Variants in LGR5 observed in about 807,000 individuals in gnomAD.
LGR5 encodes leucine-rich repeat-containing G protein-coupled receptor 5.
LGR5 carries 54 observed loss-of-function variants against 76.7 expected under a neutral mutation model. The observed-to-expected ratio is 0.70, with a 90% CI of 0.57 to 0.88. The LOEUF is 0.88. LGR5 is among the 40% of genes least tolerant of loss of function. LGR5 has a pLI of 0.00. For synonymous variants in LGR5, 406 were observed against 421.9 expected, an observed-to-expected ratio of 0.96 and a Z score of 0.46; for missense variants, 1,078 against 1,073.3, an observed-to-expected ratio of 1.00 and a Z score of -0.06.
intron 11 of LGR5, among the ~76,000 whole-genome samples, chr12:71,568,978 G>A (rs1467966021): frequency 6.6e-6 from 1 of 152,102 alleles, no homozygotes; most frequent in African/African-American, 2.4e-5. Flanking sequence ...TCCCTCATAA[G>A]GTAGCCACAG....
At chr12:71,522,163 C>T (rs931569001) in intron 2 of LGR5, among the ~76,000 whole-genome samples, 3 of 152,110 alleles carry the variant, frequency 2.0e-5, no homozygotes, top group African/African-American at 7.2e-5. Context: ...AGGGAATTCT[C>T]GGAAAAGAGT....
rs749628288 is a variant in LGR5 at position 71,524,388 on chromosome 12, C to G, written c.285-18C>G. On this transcript the variant is annotated intron_variant, in intron 2 of 17. Transcript: ENST00000266674. ...AAGAGGTATGCTCACTCTCTCTCCT[C>G]TCCATTGAAACCCACAGACGTCTTG... 1 of 1,597,296 alleles carries G rather than the reference C, an allele frequency of 6.3e-7. No individual in the cohort carries two copies. The highest frequency in any genetic ancestry group is 8.6e-7 in the Non-Finnish European group (1 of 1,166,208).
At chr12:71,490,738 G>C (rs932436220) in intron 1 of LGR5, among the ~76,000 whole-genome samples, 51 of 151,980 alleles carry the variant, frequency 3.4e-4, no homozygotes, top group Admixed American at 3.0e-3. Flanking sequence ...GTGTTCCTGA[G>C]CCAGGACTCC....
chr12:71,454,587 T>G (rs1872385492), intron 1 of LGR5, among the ~76,000 whole-genome samples: 1 of 151,422 alleles, frequency 6.6e-6, no homozygotes, highest in Non-Finnish European at 1.5e-5. Flanking sequence ...TAGAAAGAAA[T>G]AAAACAATAC....
chr12:71,584,884 A>C lies in LGR5; in HGVS notation c.*150A>C. ...CTCAGTTAGTAAGAAAAGGCTGAAA[A>C]CCTCTTGATACTTGAGAGTGAATAT... On this transcript the variant is annotated 3_prime_UTR_variant, in exon 18 of 18. Transcript: ENST00000266674. 1.4e-6 allele frequency: 1 copy of C among 709,192 alleles called. No individual in the cohort carries two copies. The highest frequency in any genetic ancestry group is 2.3e-6 in the Non-Finnish European group (1 of 431,512). 43.9% of individuals were successfully genotyped at this position (709,192 alleles called of 1,614,324 possible). A position where few individuals can be genotyped will look rare whatever the true frequency, so the allele number is the denominator to read the frequency against.
intron 1 of LGR5, among the ~76,000 whole-genome samples, chr12:71,445,685 T>C (rs1371919195): frequency 2.0e-5 from 3 of 152,130 alleles, no homozygotes; most frequent in Non-Finnish European, 4.4e-5. Flanking sequence ...CCAATGGGAA[T>C]GCCTGGCTTG....
rs1055295573 is a variant in LGR5, at chr12:71,452,571, G to T, written c.212+12279G>T. Among the ~76,000 whole-genome samples the T allele has an allele frequency of 3.3e-5, 5 of 152,240 alleles. No individual in the cohort carries two copies. The East Asian group carries it at 9.7e-4, about 29-fold the overall frequency. ...AGAGAGATTCTTTCCTCTAAATTTG[G>T]CAGACTGATTGTTTGGAATATCCCA... On this transcript the variant is annotated intron_variant, in intron 1 of 17. Coordinates refer to ENST00000266674, the MANE Select transcript of LGR5 (RefSeq NM_003667.4).
In LGR5 at chr12:71,535,197, T is replaced by G. The variant is rs775858786; in HGVS notation, c.428+11T>G. The G allele has an allele frequency of 1.3e-6, 2 of 1,547,282 alleles. No individual in the cohort carries two copies. Among genetic ancestry groups the G allele is most frequent in the Non-Finnish European group, 1.8e-6 (2 of 1,120,638 alleles). The stretch of plus-strand genomic sequence containing the variant: ...AAGCCTTCAATCCCTGTAAGTATAG[T>G]AGACATTGCAAAATATATTTAAGAT... On this transcript the variant is annotated intron_variant, in intron 4 of 17. Coordinates refer to ENST00000266674, the MANE Select transcript of LGR5 (RefSeq NM_003667.4).
intron 2 of LGR5, among the ~76,000 whole-genome samples, chr12:71,506,759 C>G (rs1022244630): frequency 4.1e-4 from 62 of 152,080 alleles, no homozygotes; most frequent in Non-Finnish European, 1.3e-4. Flanking sequence ...TGTGCTGCAC[C>G]TAACTGATGT....
At chr12:71,573,085 A>G in intron 13 of LGR5, 164 bp downstream of exon 13, 1 of 544,052 alleles carries the variant, frequency 1.8e-6, no homozygotes, top group Non-Finnish European at 3.2e-6. Context: ...TTCCAGGAAT[A>G]AATCTAAAAG....
intron 10 of LGR5, 32 bp downstream of exon 10, chr12:71,566,732 A>T (rs754029658): frequency 6.3e-7 from 1 of 1,593,444 alleles, no homozygotes; most frequent in South Asian, 1.1e-5. Context: ...GACTTTGCCC[A>T]GAACATACAC....
chr12:71,556,634 T>C lies in LGR5; in HGVS notation c.660T>C (p.Asn220=), dbSNP rs1294356859. The change falls in exon 6 of 18, where the codon AAT becomes AAC. Residue 220 remains asparagine, a synonymous_variant. Coordinates refer to ENST00000266674, the MANE Select transcript of LGR5 (RefSeq NM_003667.4). ...SSLVVLHLHN[N]RIHSLGKKCF... is the part of the protein sequence containing the mutation. ...TCTACTGCAGACATCTCCATAACAA[T>C]AGAATCCACTCCCTGGGAAAGAAAT... 5.0e-6 allele frequency: 8 copies of C among 1,610,768 alleles called. No individual in the cohort carries two copies. Among genetic ancestry groups the C allele is most frequent in the East Asian group, 2.2e-5 (1 of 44,834 alleles).
At chr12:71,565,638 C>T (rs1334413480) in intron 8 of LGR5, among the ~76,000 whole-genome samples, 1 of 150,196 alleles carries the variant, frequency 6.7e-6, no homozygotes, top group Non-Finnish European at 1.5e-5. Context: ...ATGCCAAGTC[C>T]AAAGTAGTTA....
chr12:71,457,467 G>A (rs538317220), intron 1 of LGR5, among the ~76,000 whole-genome samples: 26 of 152,094 alleles, frequency 1.7e-4, no homozygotes, highest in Non-Finnish European at 3.5e-4. Context: ...AAGTAAAGGG[G>A]ATCAGAAATT....
chr12:71,492,475 G>T (rs1053854975), intron 1 of LGR5, among the ~76,000 whole-genome samples: 17 of 152,180 alleles, frequency 1.1e-4, no homozygotes, highest in Non-Finnish European at 2.4e-4. Flanking sequence ...TGGTTTATTA[G>T]GGTGGGGTTT....
At chr12:71,496,558 T>C (rs903996702) in intron 1 of LGR5, among the ~76,000 whole-genome samples, 2 of 152,154 alleles carry the variant, frequency 1.3e-5, no homozygotes, top group African/African-American at 4.8e-5. Flanking sequence ...CATACACCAA[T>C]AGTCAGCAAT....
chr12:71,512,079 C>A (rs573903107), intron 2 of LGR5, among the ~76,000 whole-genome samples: 2 of 152,290 alleles, frequency 1.3e-5, no homozygotes, highest in Non-Finnish European at 2.9e-5. Context: ...GCTACTTCCA[C>A]CCCCTGGATT....
intron 1 of LGR5, among the ~76,000 whole-genome samples, chr12:71,473,167 T>C (rs1013303332): frequency 6.6e-6 from 1 of 152,162 alleles, no homozygotes; most frequent in Non-Finnish European, 1.5e-5. Flanking sequence ...ACGGTGGCCA[T>C]GTCTTACAGG....
chr12:71,481,362 T>C (rs1281722467), intron 1 of LGR5, among the ~76,000 whole-genome samples: 1 of 152,152 alleles, frequency 6.6e-6, no homozygotes, highest in Non-Finnish European at 1.5e-5. Context: ...TTTTCTGATG[T>C]TGTGATAGTT....
Sources: allele counts gnomAD v4.1 joint callset (sites outside exome capture counted in the v4.1 genomes callset), GRCh38; gene constraint gnomAD v4.1.1; transcripts MANE v1.5; gene names NCBI Gene and HGNC (gene_info 2026-07-23, HGNC 2026-07-21).